Variants in FER observed in about 807,000 individuals in gnomAD.
FER encodes tyrosine-protein kinase Fer.
A neutral mutation model predicts 111.0 loss-of-function variants in FER; 63 were observed. The ratio of observed to expected loss-of-function variants is 0.57; its 90% CI spans 0.46 to 0.70. FER has a LOEUF of 0.70. Ranked by LOEUF, FER falls within the 30% of genes least tolerant of loss-of-function variation. FER has a pLI of 0.00. For synonymous variants in FER, 327 were observed against 313.9 expected, an observed-to-expected ratio of 1.04 and a Z score of -0.44; for missense variants, 914 against 954.0, an observed-to-expected ratio of 0.96 and a Z score of 0.55.
chr5:108,882,389 A>G (rs1308603032), intron 8 of FER, among the ~76,000 whole-genome samples: 1 of 152,066 alleles, frequency 6.6e-6, no homozygotes, highest in East Asian at 1.9e-4. Flanking sequence ...CAGTCTAGTT[A>G]TAATAATGTC....
intron 5 of FER, among the ~76,000 whole-genome samples, chr5:108,854,272 C>T (rs540892868): frequency 1.3e-5 from 2 of 152,156 alleles, no homozygotes; most frequent in African/African-American, 4.8e-5. Context: ...TGAAACTTAT[C>T]TAGTACAGGT....
rs896472963 is a variant in FER at position 109,187,672 on chromosome 5, C to T, written c.*97C>T. On this transcript the variant is annotated 3_prime_UTR_variant, in exon 20 of 20. Coordinates refer to ENST00000281092, the MANE Select transcript of FER (RefSeq NM_005246.4). ...CAATGAATTTATACCACATTACCTTCGACAGTCTTCTACCATTATTTTTTA... is the reference window on the plus strand; with the variant it reads ...CAATGAATTTATACCACATTACCTTTGACAGTCTTCTACCATTATTTTTTA... 3.6e-6 allele frequency: 5 copies of T among 1,370,148 alleles called. No individual in the cohort carries two copies. Among genetic ancestry groups the T allele is most frequent in the Middle Eastern group, 2.1e-4 (1 of 4,856 alleles). 84.9% of individuals were successfully genotyped at this position (1,370,148 alleles called of 1,614,324 possible). A position where few individuals can be genotyped will look rare whatever the true frequency, so the allele number is the denominator to read the frequency against.
intron 2 of FER, among the ~76,000 whole-genome samples, chr5:108,781,666 CTG>C (rs1412635054): frequency 6.6e-6 from 1 of 152,116 alleles, no homozygotes; most frequent in Non-Finnish European, 1.5e-5. Flanking sequence ...TAATGAGTCT[CTG>C]TGTCTCTGGG....
At chr5:108,812,671 G>C (rs895364258) in intron 3 of FER, among the ~76,000 whole-genome samples, 1 of 151,854 alleles carries the variant, frequency 6.6e-6, no homozygotes, top group Non-Finnish European at 1.5e-5. Flanking sequence ...TTTGGATTGA[G>C]CATTTTTAAA....
chr5:108,975,271 G>A (rs1761185630), intron 13 of FER, among the ~76,000 whole-genome samples: 2 of 152,070 alleles, frequency 1.3e-5, no homozygotes, highest in Admixed American at 1.3e-4. Context: ...GCAAGGGAGA[G>A]GAGAGCATTA....
intron 5 of FER, chr5:108,842,489 A>C (rs1363285048): frequency 6.6e-6 from 1 of 152,174 alleles, no homozygotes; most frequent in Non-Finnish European, 1.5e-5. Flanking sequence ...CACAATCTAT[A>C]CACCTAACAA....
chr5:108,951,356 C>T (rs949624009), intron 11 of FER, among the ~76,000 whole-genome samples: 1 of 152,162 alleles, frequency 6.6e-6, no homozygotes. Flanking sequence ...AGTCCTCCCA[C>T]CTTGGCCTCC....
chr5:109,097,458 G>A (rs1054423726), intron 16 of FER, among the ~76,000 whole-genome samples: 1 of 151,834 alleles, frequency 6.6e-6, no homozygotes, highest in African/African-American at 2.4e-5. Flanking sequence ...CAATGGTCAG[G>A]TAGGATACTG....
At chr5:108,806,513 A>G (rs1017593011) in intron 3 of FER, among the ~76,000 whole-genome samples, 2 of 152,190 alleles carry the variant, frequency 1.3e-5, no homozygotes, top group African/African-American at 4.8e-5. Context: ...ACACTCACCA[A>G]CAGTCTGTGA....
At chr5:108,929,633 T>A (rs1754283853) in intron 10 of FER, among the ~76,000 whole-genome samples, 1 of 152,056 alleles carries the variant, frequency 6.6e-6, no homozygotes, top group African/African-American at 2.4e-5. Context: ...ATTAAAAATG[T>A]CTGGCTATCA....
At position 109,116,114 on chromosome 5, in the gene FER, G is replaced by A. The variant is rs542681264; in HGVS notation, c.2048+15595G>A. On this transcript the variant is annotated intron_variant, in intron 17 of 19. Transcript: ENST00000281092. ...TACATGAACTCAAAGGGAGTGTGCTGGGGGCCTTTTCTGAGTTACGGTCTC... is the reference window on the plus strand; with the variant it reads ...TACATGAACTCAAAGGGAGTGTGCTAGGGGCCTTTTCTGAGTTACGGTCTC... Among the ~76,000 whole-genome samples, 15 of 152,130 alleles carry A rather than the reference G, an allele frequency of 9.9e-5. No individual in the cohort carries two copies. The East Asian group carries it at 2.9e-3, about 29-fold the overall frequency.
chr5:108,945,444 A>G (rs1276822235), intron 10 of FER, among the ~76,000 whole-genome samples: 1 of 151,920 alleles, frequency 6.6e-6, no homozygotes, highest in African/African-American at 2.4e-5. Flanking sequence ...TTTTAGGAAA[A>G]GTTTCCTTCA....
intron 5 of FER, among the ~76,000 whole-genome samples, chr5:108,855,462 A>G (rs1044904354): frequency 2.0e-5 from 3 of 152,020 alleles, no homozygotes; most frequent in African/African-American, 7.2e-5. Flanking sequence ...CTGCTAAAAA[A>G]TACAAAAAAT....
chr5:109,057,302 G>A (rs1773777473), intron 16 of FER, among the ~76,000 whole-genome samples: 1 of 152,108 alleles, frequency 6.6e-6, no homozygotes, highest in Non-Finnish European at 1.5e-5. Flanking sequence ...CAATGGAATG[G>A]AAAATACAAA....
rs79987659 is a variant in FER at position 109,079,480 on chromosome 5, T to C, written c.1925-20916T>C. On this transcript the variant is annotated intron_variant, in intron 16 of 19. Coordinates refer to ENST00000281092, the MANE Select transcript of FER (RefSeq NM_005246.4). ...TTTCATCATAAGTCTGACTGTCTTATGGTGCCATATTAGACCATATTTACT... is the reference window on the plus strand; with the variant it reads ...TTTCATCATAAGTCTGACTGTCTTACGGTGCCATATTAGACCATATTTACT... Among the ~76,000 whole-genome samples the C allele has an allele frequency of 9.8e-3, 1,494 of 152,296 alleles. 18 individuals are homozygous for C. The highest frequency in any genetic ancestry group is 0.034 in the African/African-American group (1,418 of 41,572).
At chr5:109,116,430 A>G (rs1030224601) in intron 17 of FER, among the ~76,000 whole-genome samples, 1 of 151,268 alleles carries the variant, frequency 6.6e-6, no homozygotes, top group Non-Finnish European at 1.5e-5. Context: ...CCCCGCCAAA[A>G]AAAAAAAAAA....
intron 11 of FER, among the ~76,000 whole-genome samples, chr5:108,950,269 G>T (rs1344051005): frequency 6.6e-6 from 1 of 152,070 alleles, no homozygotes; most frequent in African/African-American, 2.4e-5. Context: ...TGATTAACAT[G>T]TAATTCTTTA....
At chr5:109,000,424 A>G (rs959985265) in intron 13 of FER, among the ~76,000 whole-genome samples, 1 of 152,128 alleles carries the variant, frequency 6.6e-6, no homozygotes, top group Non-Finnish European at 1.5e-5. Context: ...TTTTAAAAAT[A>G]TTTATCGCTA....
chr5:108,949,340 A>G (rs1421648880), intron 11 of FER, among the ~76,000 whole-genome samples: 3 of 152,054 alleles, frequency 2.0e-5, no homozygotes, highest in Admixed American at 6.5e-5. Flanking sequence ...TAAATATATC[A>G]GTTGTCTTCT....
Sources: gnomAD v4.1 joint callset for allele counts (sites outside exome capture counted in the v4.1 genomes callset) on GRCh38, gnomAD v4.1.1 for gene constraint, MANE v1.5 for transcripts, NCBI Gene and HGNC (gene_info 2026-07-23, HGNC 2026-07-21) for gene names.